The following WASHC5 variants were observed in gnomAD, a reference collection of about 807,000 sequenced individuals.
WASHC5 encodes WASH complex subunit 5, also known as WASH complex subunit strumpellin.
A neutral mutation model predicts 150.4 loss-of-function variants in WASHC5; 101 were observed. The observed-to-expected ratio is 0.67, with a 90% CI of 0.57 to 0.79. The LOEUF (loss-of-function observed/expected upper bound fraction) is 0.79. Ranked by LOEUF, WASHC5 falls within the 30% of genes least tolerant of loss-of-function variation. The pLI, the probability that WASHC5 is intolerant of heterozygous loss-of-function variation, is 0.00. For synonymous variants in WASHC5, 467 were observed against 491.2 expected, an observed-to-expected ratio of 0.95 and a Z score of 0.65; for missense variants, 1,195 against 1,396.3, an observed-to-expected ratio of 0.86 and a Z score of 2.30.
At chr8:125,084,832 C>T (rs1817371413) in intron 1 of WASHC5, among the ~76,000 whole-genome samples, 1 of 152,168 alleles carries the variant, frequency 6.6e-6, no homozygotes, top group South Asian at 2.1e-4. Flanking sequence ...AGCCTGGCTG[C>T]TTAAGGGAAT....
rs1816097018 is a variant in WASHC5 at position 125,047,305 on chromosome 8, C to G, written c.2406G>C (p.Gln802His). 1 of 1,613,768 alleles carries G rather than the reference C, an allele frequency of 6.2e-7. No individual in the cohort carries two copies. The highest frequency in any genetic ancestry group is 1.1e-5 in the South Asian group (1 of 91,074). Residue 802 changes from glutamine (Q) to histidine (H), a missense_variant, in exon 20 of 29, where the codon CAG (glutamine) becomes CAC (histidine). Gln to His is a conservative substitution (Grantham distance 24). Coordinates refer to ENST00000318410, the MANE Select transcript of WASHC5 (RefSeq NM_014846.4). ...ACTTGGGTATTGGAATATGAGTGGA[C>G]TGGTACATGCTTTGCCAATCTTGAA... Reference protein sequence around the residue: ...TKIQDWQSMYQSTHIPIPKFT... With the variant: ...TKIQDWQSMYHSTHIPIPKFT...
At chr8:125,042,375 C>G (rs1322998347) in intron 23 of WASHC5, among the ~76,000 whole-genome samples, 2 of 152,204 alleles carry the variant, frequency 1.3e-5, no homozygotes, top group Non-Finnish European at 2.9e-5. Context: ...GGGCTAGGAG[C>G]TGCTGTCATC....
intron 26 of WASHC5, among the ~76,000 whole-genome samples, chr8:125,035,305 A>C (rs1392882203): frequency 6.6e-6 from 1 of 152,232 alleles, no homozygotes; most frequent in Non-Finnish European, 1.5e-5. Flanking sequence ...GCAGCTTTAC[A>C]ATCAAGGTGC....
chr8:125,064,607 G>A (rs1162498961), intron 10 of WASHC5, among the ~76,000 whole-genome samples: 3 of 151,204 alleles, frequency 2.0e-5, no homozygotes, highest in Admixed American at 2.0e-4. Context: ...CTCAGGGTTG[G>A]GTTTTTTTTT....
At chr8:125,076,243 G>C (rs1817055924) in intron 7 of WASHC5, 105 bp downstream of exon 7, 9 of 1,007,966 alleles carry the variant, frequency 8.9e-6, no homozygotes, top group Non-Finnish European at 1.3e-5. Context: ...GTGATGTTAT[G>C]TCCCATTATT....
At chr8:125,071,335 G>A (rs560358600) in intron 9 of WASHC5, among the ~76,000 whole-genome samples, 2 of 152,206 alleles carry the variant, frequency 1.3e-5, no homozygotes, top group South Asian at 4.2e-4. Flanking sequence ...TAAACCAGAG[G>A]TTGAAGCATT....
intron 10 of WASHC5, among the ~76,000 whole-genome samples, chr8:125,066,934 G>T (rs571821288): frequency 6.6e-6 from 1 of 152,196 alleles, no homozygotes; most frequent in African/African-American, 2.4e-5. Context: ...GATGCAACAG[G>T]ATACTTTATT....
At chr8:125,040,849 G>C (rs2130001444) in intron 23 of WASHC5, 1 of 152,254 alleles carries the variant, frequency 6.6e-6, no homozygotes, top group East Asian at 1.9e-4. Flanking sequence ...TGTGAGAATT[G>C]ACTAATATAG....
chr8:125,079,253 G>A (rs1388518882), intron 5 of WASHC5, among the ~76,000 whole-genome samples: 4 of 135,676 alleles, frequency 2.9e-5, no homozygotes, highest in Non-Finnish European at 4.6e-5. Flanking sequence ...GTGCAGTGGC[G>A]TGATCTCAGC....
Position 125,073,263 on chromosome 8 carries a change from T to G in WASHC5, c.1040A>C (p.Glu347Ala). 1 of 1,613,948 alleles carries G rather than the reference T, an allele frequency of 6.2e-7. No individual in the cohort carries two copies. The highest frequency in any genetic ancestry group is 8.5e-7 in the Non-Finnish European group (1 of 1,179,838). ...VHAQVQQFLK[E>A]GYLREEMVLD... The stretch of plus-strand genomic sequence containing the variant: ...AACCATCTCCTCCCTTAAATAACCT[T>G]CTTTTAGAAATTGCTGCACTTGAGC... Residue 347 changes from glutamate (E) to alanine (A), a missense_variant, in exon 9 of 29, where the codon GAA becomes GCA. By Grantham distance (107) the Glu-to-Ala change is moderately radical. Coordinates refer to ENST00000318410, the MANE Select transcript of WASHC5 (RefSeq NM_014846.4).
chr8:125,082,443 C>T lies in WASHC5; in HGVS notation c.357G>A (p.Gly119=). The T allele has an allele frequency of 1.9e-6, 3 of 1,586,018 alleles. No homozygotes were observed. The highest frequency in any genetic ancestry group is 2.7e-5 in the African/African-American group (2 of 74,434). The change falls in exon 4 of 29, where the codon GGG becomes GGA. Residue 119 remains glycine, a synonymous_variant. Transcript: ENST00000318410. ...LNRYLDDLNE[G]VYIQQTLETV... is the part of the protein sequence containing the mutation. ...TTTCTAAGGTTTGCTGAATATAAAC[C>T]CCTTCATTGAGATCATCTAGATATC... is the stretch of plus-strand genomic sequence containing the variant.
intron 24 of WASHC5, 98 bp from the exon 25 acceptor site, chr8:125,039,057 T>C (rs1815804804): frequency 2.1e-5 from 27 of 1,307,014 alleles, no homozygotes; most frequent in Non-Finnish European, 2.9e-5. Flanking sequence ...AAGCCTCAGT[T>C]TCCTCATCTG....
intron 20 of WASHC5, 116 bp from the exon 21 acceptor site, chr8:125,044,814 G>T: frequency 9.3e-7 from 1 of 1,072,646 alleles, no homozygotes; most frequent in Non-Finnish European, 1.4e-6. Context: ...TACATGATCT[G>T]TGTTTTCTAA....
intron 9 of WASHC5, among the ~76,000 whole-genome samples, chr8:125,069,304 G>A (rs2130144209): frequency 6.6e-6 from 1 of 152,330 alleles, no homozygotes; most frequent in Middle Eastern, 3.4e-3. Context: ...CCAGAACCAT[G>A]AGCCAAATAA....
intron 17 of WASHC5, among the ~76,000 whole-genome samples, chr8:125,051,913 T>A (rs762686088): frequency 1.1e-4 from 16 of 152,022 alleles, no homozygotes; most frequent in African/African-American, 3.1e-4. Context: ...CATAACATAG[T>A]TTTTCAAATG....
intron 27 of WASHC5, among the ~76,000 whole-genome samples, chr8:125,031,520 C>G (rs1815534350): frequency 6.6e-6 from 1 of 152,126 alleles, no homozygotes; most frequent in Non-Finnish European, 1.5e-5. Flanking sequence ...CTCAAGTAAT[C>G]TACCCAAAGT....
At chr8:125,044,845 A>T in intron 20 of WASHC5, 147 bp from the exon 21 acceptor site, 1 of 826,452 alleles carries the variant, frequency 1.2e-6, no homozygotes, top group South Asian at 1.4e-5. Context: ...CAGGCACCCA[A>T]TGCGTCTTCC....
intron 23 of WASHC5, among the ~76,000 whole-genome samples, 154 bp from the exon 24 acceptor site, chr8:125,040,052 G>A (rs1815840698): frequency 6.6e-6 from 1 of 152,154 alleles, no homozygotes; most frequent in South Asian, 2.1e-4. Context: ...TCTTGGCTAA[G>A]ACCAGCACTG....
At chr8:125,061,357 A>G (rs1816589260) in intron 11 of WASHC5, among the ~76,000 whole-genome samples, 163 bp from the exon 12 acceptor site, 1 of 152,250 alleles carries the variant, frequency 6.6e-6, no homozygotes, top group South Asian at 2.1e-4. Flanking sequence ...AGCATGCGAC[A>G]TAGTAGAATA....
Sources: gnomAD v4.1 joint callset for allele counts (sites outside exome capture counted in the v4.1 genomes callset) on GRCh38, gnomAD v4.1.1 for gene constraint, MANE v1.5 for transcripts, NCBI Gene and HGNC (gene_info 2026-07-23, HGNC 2026-07-21) for gene names.